Variants in MOK observed in about 807,000 individuals in gnomAD.
The protein encoded by MOK is MAPK/MAK/MRK overlapping kinase.
MOK carries 59 observed loss-of-function variants against 54.2 expected under a neutral mutation model. That is an observed-to-expected ratio of 1.09 (90% CI 0.88 to 1.35). The LOEUF (loss-of-function observed/expected upper bound fraction) is 1.35. Ranked by LOEUF, MOK falls within the 40% of genes most tolerant of loss-of-function variation. MOK has a pLI of 0.00. For missense variants in MOK, 517 were observed against 526.2 expected, an observed-to-expected ratio of 0.98 and a Z score of 0.17; for synonymous variants, 210 against 202.7, an observed-to-expected ratio of 1.04 and a Z score of -0.31.
At chr14:102,248,684 A>T (rs2066287857) in intron 7 of MOK, among the ~76,000 whole-genome samples, 1 of 149,538 alleles carries the variant, frequency 6.7e-6, no homozygotes, top group Admixed American at 6.7e-5. Context: ...AGTCTGAGGC[A>T]GGAGAATGGT....
chr14:102,225,975 A>C (rs574392217), downstream of MOK: 20 of 323,416 alleles, frequency 6.2e-5, no homozygotes, highest in Non-Finnish European at 9.1e-5. Context: ...GGCCCAGAAG[A>C]AGCCAGGAAG....
At chr14:102,260,153 G>A (rs1404490841) in intron 4 of MOK, among the ~76,000 whole-genome samples, 7 of 144,954 alleles carry the variant, frequency 4.8e-5, no homozygotes, top group African/African-American at 1.8e-4. Context: ...TCCAGCCTGG[G>A]CAAAAAGAGC....
Position 102,238,202 on chromosome 14 carries a change from T to G in MOK, c.591-4413A>C, listed in dbSNP as rs975859375. 6.6e-6 allele frequency: 1 copy of G among 152,270 alleles called. No individual in the cohort carries two copies. Among genetic ancestry groups the G allele is most frequent in the Non-Finnish European group, 1.5e-5 (1 of 68,092 alleles). The allele number at this position is 152,270 out of a possible 1,614,324, so 9.4% of individuals were successfully genotyped here. A position where few individuals can be genotyped will look rare whatever the true frequency, so the allele number is the denominator to read the frequency against. On this transcript the variant is annotated intron_variant, in intron 7 of 11. Transcript: ENST00000361847. This position sits in a 1 kb window ranked among gnomAD's most constrained non-coding sequence, Gnocchi z 4.8. ...ATTGCTGGGTATGCAGTTGTTTCCCTTGACCGAGTAATTGAAGCTAAGCCC... is the reference window on the plus strand; with the variant it reads ...ATTGCTGGGTATGCAGTTGTTTCCCGTGACCGAGTAATTGAAGCTAAGCCC...
At chr14:102,222,766 C>A (rs571317617), downstream of MOK, 104 of 1,582,506 alleles carry the variant, frequency 6.6e-5, no homozygotes, top group Non-Finnish European at 8.8e-5. The surrounding 1 kb of genome is among the most constrained non-coding windows in gnomAD (Gnocchi z 4.4). Flanking sequence ...TGGCGGAGGG[C>A]GCGCATGGTG....
chr14:102,237,128 G>A (rs1334459338), intron 7 of MOK, among the ~76,000 whole-genome samples: 1 of 152,118 alleles, frequency 6.6e-6, no homozygotes, highest in African/African-American at 2.4e-5. Flanking sequence ...AACTAACCTG[G>A]ACTGTCCTCC....
intron 1 of MOK, among the ~76,000 whole-genome samples, chr14:102,304,743 A>G (rs1489717369): frequency 1.3e-5 from 2 of 152,122 alleles, no homozygotes; most frequent in Non-Finnish European, 2.9e-5. Flanking sequence ...AAAGTTCCCA[A>G]CCTAGCCCCA....
intron 1 of MOK, among the ~76,000 whole-genome samples, chr14:102,294,266 G>A (rs535280889): frequency 2.6e-5 from 4 of 152,120 alleles, no homozygotes; most frequent in Non-Finnish European, 5.9e-5. Flanking sequence ...CTAACATGGT[G>A]AAACCCCGTC....
chr14:102,219,820 C>T (rs968575047), downstream of MOK, among the ~76,000 whole-genome samples: 1 of 152,210 alleles, frequency 6.6e-6, no homozygotes, highest in African/African-American at 2.4e-5. Flanking sequence ...CCCCCAGTTC[C>T]GTTATGCCAG....
downstream of MOK, among the ~76,000 whole-genome samples, chr14:102,224,089 T>A (rs887947208): frequency 1.3e-5 from 2 of 148,312 alleles, no homozygotes; most frequent in African/African-American, 2.5e-5. Context: ...TTGTCCAGGC[T>A]GGAGTGCAGT....
At chr14:102,250,747 A>T in intron 7 of MOK, 65 bp downstream of exon 7, 5 of 1,480,310 alleles carry the variant, frequency 3.4e-6, no homozygotes, top group Non-Finnish European at 4.6e-6. Flanking sequence ...TAAAGGAAGG[A>T]GCACGAGCCT....
chr14:102,283,880 A>C (rs1363265067), intron 1 of MOK, among the ~76,000 whole-genome samples: 4 of 152,108 alleles, frequency 2.6e-5, no homozygotes, highest in African/African-American at 9.7e-5. Flanking sequence ...AAGATAGAGG[A>C]GCAGCAGACG....
chr14:102,233,074 A>G (rs529692196), intron 8 of MOK: 1 of 163,762 alleles, frequency 6.1e-6, no homozygotes, highest in African/African-American at 2.4e-5. Flanking sequence ...CTAAAAATGT[A>G]AGAAAACTAC....
chr14:102,261,635 G>A (rs1200182769), intron 4 of MOK, among the ~76,000 whole-genome samples: 2 of 147,008 alleles, frequency 1.4e-5, no homozygotes, highest in African/African-American at 5.0e-5. Flanking sequence ...CCAGGTTCAA[G>A]CGATTCTCCT....
intron 7 of MOK, among the ~76,000 whole-genome samples, chr14:102,241,639 C>T (rs1597319160): frequency 6.6e-6 from 1 of 152,174 alleles, no homozygotes; most frequent in Admixed American, 6.5e-5. Flanking sequence ...CATTTTATTA[C>T]CCAATCTGCT....
At chr14:102,301,905 TTTGA>T (rs1181580001) in intron 1 of MOK, among the ~76,000 whole-genome samples, 3 of 152,188 alleles carry the variant, frequency 2.0e-5, no homozygotes, top group African/African-American at 7.2e-5. Flanking sequence ...TTTGTTTTGT[TTTGA>T]TTTTTTTTTT....
chr14:102,285,885 T>A (rs1456499933), intron 1 of MOK, among the ~76,000 whole-genome samples: 4 of 151,314 alleles, frequency 2.6e-5, no homozygotes, highest in Non-Finnish European at 5.9e-5. Context: ...AGAGCAAAAC[T>A]CTGTCTCAAA....
downstream of MOK, among the ~76,000 whole-genome samples, chr14:102,220,506 G>A (rs148599805): frequency 5.5e-3 from 844 of 152,178 alleles, 18 homozygotes; most frequent in East Asian, 0.034. The surrounding 1 kb of genome is among the most constrained non-coding windows in gnomAD (Gnocchi z 4.2). Flanking sequence ...GGTGGATCAC[G>A]AGGTCAGGAG....
the MOK span, among the ~76,000 whole-genome samples, chr14:102,216,628 A>G: frequency 6.6e-6 from 1 of 152,206 alleles, no homozygotes; most frequent in Non-Finnish European, 1.5e-5. Flanking sequence ...CCTTCAAAAA[A>G]ATAAAAATAG....
chr14:102,288,664 A>T (rs1290506843), intron 1 of MOK, among the ~76,000 whole-genome samples: 1 of 152,230 alleles, frequency 6.6e-6, no homozygotes, highest in African/African-American at 2.4e-5. Context: ...AAAATCACTG[A>T]GCAGTATACT....
Sources: gnomAD v4.1 joint callset for allele counts (sites outside exome capture counted in the v4.1 genomes callset) on GRCh38, gnomAD v4.1.1 for gene constraint, Gnocchi (gnomAD v3.1) non-coding constraint, MANE v1.5 for transcripts, NCBI Gene and HGNC (gene_info 2026-07-23, HGNC 2026-07-21) for gene names.